The following PITPNC1 variants were observed in gnomAD, a reference collection of about 807,000 sequenced individuals.
PITPNC1 encodes phosphatidylinositol transfer protein cytoplasmic 1.
A neutral mutation model predicts 44.7 loss-of-function variants in PITPNC1; 18 were observed. The observed-to-expected ratio is 0.40, with a 90% CI of 0.28 to 0.60. The LOEUF (loss-of-function observed/expected upper bound fraction) is 0.60. Ranked by LOEUF, PITPNC1 falls within the 20% of genes least tolerant of loss-of-function variation. The pLI is 0.39. For synonymous variants in PITPNC1, 141 were observed against 149.6 expected (o/e 0.94, Z 0.42); for missense variants, 290 against 418.4 (o/e 0.69, Z 2.68).
intron 1 of PITPNC1, among the ~76,000 whole-genome samples, chr17:67,461,552 C>T (rs1332461838): frequency 6.6e-6 from 1 of 152,210 alleles, no homozygotes; most frequent in Admixed American, 6.5e-5. Flanking sequence ...TTCCAGCAAC[C>T]ACAGTGCAGT....
chr17:67,478,715 CGCAA>C lies in PITPNC1; in HGVS notation c.49-54084_49-54081del, dbSNP rs2039663646. Among the ~76,000 whole-genome samples the C allele has an allele frequency of 2.0e-5, 3 of 151,950 alleles. No homozygotes were observed. The South Asian group carries it at 6.2e-4, about 32-fold the overall frequency. ...AAGGGTCTCTGTGGCCCTCTTTTTC[CGCAA>C]GCGTTGGGAGGTCTCTGAGGATCTG... On this transcript the variant is annotated intron_variant, in intron 1 of 8. Transcript: ENST00000581322.
chr17:67,677,590 CAG>C (rs56837998), intron 8 of PITPNC1, among the ~76,000 whole-genome samples: 1,922 of 149,022 alleles, frequency 0.013, 38 homozygotes, highest in African/African-American at 0.046. Context: ...TTTTTTGAGA[CAG>C]AGTCTCGCAC....
chr17:67,669,492 AT>A lies in PITPNC1; in HGVS notation c.463-5del, dbSNP rs36013607. 0.72 allele frequency: 953,471 copies of A among 1,323,708 alleles called. 328,017 individuals are homozygous for A. The highest frequency in any genetic ancestry group is 0.81 in the East Asian group (30,631 of 37,676). 82.0% of individuals were successfully genotyped at this position (1,323,708 alleles called of 1,614,324 possible). The stretch of plus-strand genomic sequence containing the variant: ...AACTTTTAATATATCAATTTCTTTG[AT>A]TTTTTTTTTTCTAGGATCCTAAGCA... On this transcript the variant is annotated splice_polypyrimidine_tract_variant and intron_variant, in intron 6 of 8. Coordinates refer to ENST00000581322, the MANE Select transcript of PITPNC1 (RefSeq NM_012417.4).
At chr17:67,645,343 G>GAAAAAA (rs57827214) in intron 6 of PITPNC1, among the ~76,000 whole-genome samples, 5 of 81,300 alleles carry the variant, frequency 6.2e-5, no homozygotes, top group African/African-American at 1.2e-4. Flanking sequence ...CTCCATCTCA[G>GAAAAAA]AAAAAAAAAA....
intron 4 of PITPNC1, among the ~76,000 whole-genome samples, chr17:67,558,241 C>G (rs923371725): frequency 6.6e-6 from 1 of 152,010 alleles, no homozygotes; most frequent in Admixed American, 6.6e-5. Flanking sequence ...TGTGGAAATG[C>G]CATTTGCCCA....
chr17:67,583,096 A>C (rs2041257236), intron 5 of PITPNC1, among the ~76,000 whole-genome samples: 1 of 152,194 alleles, frequency 6.6e-6, no homozygotes, highest in Non-Finnish European at 1.5e-5. Flanking sequence ...TCCTGGGCGC[A>C]GGCTGGTCTA....
chr17:67,651,461 C>T (rs1223196194), intron 6 of PITPNC1, among the ~76,000 whole-genome samples: 1 of 151,708 alleles, frequency 6.6e-6, no homozygotes, highest in African/African-American at 2.4e-5. Flanking sequence ...TGCAGTGAGC[C>T]GAGATTGCAC....
chr17:67,605,349 G>A (rs1403974302), intron 5 of PITPNC1, among the ~76,000 whole-genome samples: 1 of 152,160 alleles, frequency 6.6e-6, no homozygotes, highest in Non-Finnish European at 1.5e-5. Context: ...TCTTTGTCCT[G>A]AACCGTTTAC....
chr17:67,566,773 C>A (rs2040986171), intron 4 of PITPNC1, among the ~76,000 whole-genome samples: 1 of 152,162 alleles, frequency 6.6e-6, no homozygotes, highest in Middle Eastern at 3.2e-3. Context: ...GTGGCCACAG[C>A]ACATACTGAG....
intron 6 of PITPNC1, among the ~76,000 whole-genome samples, chr17:67,660,878 A>G (rs1255441840): frequency 1.6e-5 from 2 of 126,914 alleles, no homozygotes; most frequent in Non-Finnish European, 3.3e-5. Context: ...TTTTTTTTTG[A>G]GATGGAGTCT....
intron 1 of PITPNC1, among the ~76,000 whole-genome samples, chr17:67,487,824 G>A (rs748538805): frequency 6.6e-6 from 1 of 152,154 alleles, no homozygotes; most frequent in Non-Finnish European, 1.5e-5. Context: ...CACACTTGGG[G>A]TTTGGGATCA....
At chr17:67,472,513 G>C (rs1056748915) in intron 1 of PITPNC1, among the ~76,000 whole-genome samples, 2 of 151,582 alleles carry the variant, frequency 1.3e-5, no homozygotes, top group African/African-American at 2.4e-5. Context: ...CGGGCGTGGT[G>C]GTGGGCGCCT....
intron 1 of PITPNC1, among the ~76,000 whole-genome samples, chr17:67,451,352 G>A (rs1388091883): frequency 2.6e-5 from 4 of 152,020 alleles, no homozygotes; most frequent in African/African-American, 4.8e-5. Flanking sequence ...TTTTGCACAT[G>A]ATAAACTCAC....
intron 1 of PITPNC1, chr17:67,408,724 TCCTTCC>T (rs1567978444): frequency 6.7e-6 from 1 of 148,490 alleles, no homozygotes; most frequent in Admixed American, 6.8e-5. Context: ...CTTCCTTCCT[TCCTTCC>T]TTTCTTTCTT....
Position 67,692,753 on chromosome 17 carries a change from G to A in PITPNC1, c.864G>A (p.Leu288=). Residue 288 remains leucine (L), a synonymous_variant, in exon 9 of 9, where the codon CTG becomes CTA. Transcript: ENST00000581322. ...TCTCCACAGACGCACCCGAATTTCT[G>A]TCCGTTCCCAAAGATCGGCCCCGGA... ...TPLSTDAPEF[L]SVPKDRPRKK... 6.2e-7 allele frequency: 1 copy of A among 1,613,774 alleles called. No individual in the cohort carries two copies. Among genetic ancestry groups the A allele is most frequent in the Non-Finnish European group, 8.5e-7 (1 of 1,179,842 alleles).
In PITPNC1 at chr17:67,532,969, C is replaced by G. The variant is rs538210147; in HGVS notation, c.197+19C>G. 6.3e-7 allele frequency: 1 copy of G among 1,594,430 alleles called. No homozygotes were observed. Among genetic ancestry groups the G allele is most frequent in the African/African-American group, 1.3e-5 (1 of 74,530 alleles). On this transcript the variant is annotated intron_variant, in intron 2 of 8. Coordinates refer to ENST00000581322, the MANE Select transcript of PITPNC1 (RefSeq NM_012417.4). ...TCAACAGGTGAGTCATGGCAGCCTG[C>G]GTTCTGCACAGAAGCCCCCTCCCAC... is the stretch of plus-strand genomic sequence containing the variant.
At chr17:67,427,395 G>A (rs1308578732) in intron 1 of PITPNC1, among the ~76,000 whole-genome samples, 1 of 151,938 alleles carries the variant, frequency 6.6e-6, no homozygotes, top group Non-Finnish European at 1.5e-5. Context: ...TGTATTTTTA[G>A]TAGAGATGGG....
At chr17:67,502,110 G>A (rs183804963) in intron 1 of PITPNC1, among the ~76,000 whole-genome samples, 22 of 152,256 alleles carry the variant, frequency 1.4e-4, no homozygotes, top group Non-Finnish European at 1.5e-5. Flanking sequence ...ATGTGTCTTC[G>A]TGTTCTGCAC....
intron 6 of PITPNC1, among the ~76,000 whole-genome samples, chr17:67,665,285 G>T (rs1374530849): frequency 6.6e-6 from 1 of 152,096 alleles, no homozygotes; most frequent in Non-Finnish European, 1.5e-5. Flanking sequence ...TAGAGAAGGG[G>T]TTTTGCCATG....
Sources: allele counts gnomAD v4.1 joint callset (sites outside exome capture counted in the v4.1 genomes callset), GRCh38; gene constraint gnomAD v4.1.1; transcripts MANE v1.5; gene names NCBI Gene and HGNC (gene_info 2026-07-23, HGNC 2026-07-21).